Variants in ARHGEF17 observed in about 807,000 individuals in gnomAD.
The protein encoded by ARHGEF17 is Rho guanine nucleotide exchange factor 17.
ARHGEF17 carries 80 observed loss-of-function variants against 174.0 expected under a neutral mutation model. The observed-to-expected ratio is 0.46, with a 90% CI of 0.38 to 0.55. The LOEUF is 0.55. Among genes scored for constraint, ARHGEF17 ranks in the 20% least tolerant of loss-of-function variants. The pLI, the probability that ARHGEF17 is intolerant of heterozygous loss-of-function variation, is 0.00. For synonymous variants in ARHGEF17, 1,311 were observed against 1,189.1 expected (o/e 1.10, Z -2.11); for missense variants, 2,886 against 2,839.7 (o/e 1.02, Z -0.37).
In ARHGEF17 at chr11:73,308,742, C is replaced by T. The variant is rs780816018; in HGVS notation, c.104C>T (p.Thr35Ile). 62 of 1,492,172 alleles carry T rather than the reference C, an allele frequency of 4.2e-5. No individual in the cohort carries two copies. The highest frequency in any genetic ancestry group is 5.0e-5 in the Non-Finnish European group (56 of 1,127,026). 92.4% of individuals were successfully genotyped at this position (1,492,172 alleles called of 1,614,324 possible). Residue 35 changes from threonine to isoleucine, a missense_variant, in exon 1 of 21, where the codon ACC becomes ATC. Thr to Ile is a moderately conservative substitution (Grantham distance 89, BLOSUM62 -1). Transcript: ENST00000263674. ...GPGLREEDTDTPGLRRRASCR... is the reference protein window; with the variant it reads ...GPGLREEDTDIPGLRRRASCR... ...GGGCTGAGGGAGGAGGACACGGACA[C>T]CCCCGGCTTGAGGCGACGCGCCTCG...
chr11:73,343,694 A>T (rs1865413779), intron 1 of ARHGEF17, among the ~76,000 whole-genome samples: 1 of 152,014 alleles, frequency 6.6e-6, no homozygotes, highest in Admixed American at 6.5e-5. Flanking sequence ...TGGAGGAGTC[A>T]TGCTGCGGTG....
chr11:73,361,944 C>A, intron 12 of ARHGEF17, 96 bp from the exon 13 acceptor site: 2 of 1,446,344 alleles, frequency 1.4e-6, no homozygotes, highest in Non-Finnish European at 1.9e-6. Flanking sequence ...CCATGCAGGC[C>A]TGCCTCCCTC....
At chr11:73,355,837 A>G in intron 4 of ARHGEF17, 24 bp from the exon 5 acceptor site, 1 of 1,613,782 alleles carries the variant, frequency 6.2e-7, no homozygotes, top group Non-Finnish European at 8.5e-7. Context: ...CATTCCTCAC[A>G]TGATGCCCAT....
chr11:73,363,130 G>A, intron 14 of ARHGEF17, 76 bp from the exon 15 acceptor site: 1 of 1,448,288 alleles, frequency 6.9e-7, no homozygotes, highest in Non-Finnish European at 9.1e-7. Flanking sequence ...GGCCAGGAGG[G>A]ATGCATGGCC....
intron 2 of ARHGEF17, among the ~76,000 whole-genome samples, chr11:73,347,390 C>A (rs950439731): frequency 5.9e-5 from 9 of 152,172 alleles, no homozygotes; most frequent in African/African-American, 2.2e-4. Context: ...AGAGCCCAGC[C>A]CCTGCCACAG....
intron 1 of ARHGEF17, among the ~76,000 whole-genome samples, chr11:73,313,623 C>T (rs188245122): frequency 5.9e-5 from 9 of 152,334 alleles, no homozygotes; most frequent in Non-Finnish European, 1.2e-4. Flanking sequence ...CTCCCTGCCA[C>T]GAACAGAGGC....
Position 73,309,553 on chromosome 11 carries a change from C to T in ARHGEF17, c.915C>T (p.Asp305=), listed in dbSNP as rs1244811336. 6 of 1,604,856 alleles carry T rather than the reference C, an allele frequency of 3.7e-6. No individual in the cohort carries two copies. The African/African-American group carries it at 5.4e-5, about 14-fold the overall frequency. ...CTGGAAGCTCCCTATTGGATCAGGA[C>T]TGCAGGCCTGACAGTGATGGGTTAA... is the stretch of plus-strand genomic sequence containing the variant. ...LRPGSSLLDQ[D]CRPDSDGLNL... The change falls in exon 1 of 21, where the codon GAC becomes GAT. Residue 305 remains aspartate (D), a synonymous_variant. Transcript: ENST00000263674.
At chr11:73,317,975 C>G (rs1232284360) in intron 1 of ARHGEF17, among the ~76,000 whole-genome samples, 1 of 152,168 alleles carries the variant, frequency 6.6e-6, no homozygotes, top group Non-Finnish European at 1.5e-5. Flanking sequence ...CACCACCTTC[C>G]TGCTGTGAGG....
In ARHGEF17 at chr11:73,309,984, G is replaced by C. The variant is rs765313661; in HGVS notation, c.1346G>C (p.Gly449Ala). 4 of 1,614,032 alleles carry C rather than the reference G, an allele frequency of 2.5e-6. No homozygotes were observed. The highest frequency in any genetic ancestry group is 3.4e-6 in the Non-Finnish European group (4 of 1,180,002). Residue 449 changes from glycine (G) to alanine (A), a missense_variant, in exon 1 of 21, where the codon GGA becomes GCA. This residue lies in a region of ARHGEF17 where 1,728 missense variants were observed against 1,461.2 expected (regional missense o/e 1.18). Coordinates refer to ENST00000263674, the MANE Select transcript of ARHGEF17 (RefSeq NM_014786.4). ...PGGTSRALRD[G>A]GFEPEKSRQR... ...GGCACCTCTAGGGCATTGAGGGATG[G>C]AGGATTTGAGCCTGAAAAGAGTCGA...
Position 73,309,985 on chromosome 11 carries a change from A to G in ARHGEF17, c.1347A>G (p.Gly449=), listed in dbSNP as rs748780601. The change falls in exon 1 of 21, where the codon GGA becomes GGG. Residue 449 remains glycine, a synonymous_variant. Transcript: ENST00000263674. The stretch of plus-strand genomic sequence containing the variant: ...GCACCTCTAGGGCATTGAGGGATGG[A>G]GGATTTGAGCCTGAAAAGAGTCGAC... The part of the protein sequence containing the change: ...PGGTSRALRD[G]GFEPEKSRQR... 6.2e-6 allele frequency: 10 copies of G among 1,613,928 alleles called. No individual in the cohort carries two copies. In the African/African-American group the frequency reaches 1.1e-4, roughly 17 times the overall value.
chr11:73,344,630 G>A (rs1484853401), intron 1 of ARHGEF17, among the ~76,000 whole-genome samples: 2 of 152,226 alleles, frequency 1.3e-5, no homozygotes, highest in Non-Finnish European at 2.9e-5. Flanking sequence ...GGGGAGAAAG[G>A]GTGGACACTG....
At chr11:73,360,018 T>C in intron 10 of ARHGEF17, 66 bp downstream of exon 10, 1 of 1,405,698 alleles carries the variant, frequency 7.1e-7, no homozygotes, top group South Asian at 1.3e-5. Context: ...GTCTGAGAGA[T>C]AGACAGCCCT....
At chr11:73,358,417 C>T (rs929913877) in intron 9 of ARHGEF17, among the ~76,000 whole-genome samples, 19 of 151,928 alleles carry the variant, frequency 1.3e-4, no homozygotes, top group African/African-American at 4.4e-4. Context: ...CGATGGTTTC[C>T]CCCTCATGAC....
intron 9 of ARHGEF17, among the ~76,000 whole-genome samples, chr11:73,358,785 A>C (rs1448999798): frequency 6.6e-6 from 1 of 152,126 alleles, no homozygotes; most frequent in East Asian, 1.9e-4. Flanking sequence ...TAATACCAAC[A>C]CACTCAGGAT....
In ARHGEF17 at chr11:73,363,763, T is replaced by G; in HGVS notation, c.5263T>G (p.Ser1755Ala). Residue 1755 changes from serine (S) to alanine (A), a missense_variant, in exon 16 of 21, where the codon TCC becomes GCC. Ser to Ala is a moderately conservative substitution (Grantham distance 99, BLOSUM62 1). Around this residue, in one of 4 missense-constraint regions of ARHGEF17, gnomAD observed 329 missense variants for 435.2 expected, o/e 0.76. Coordinates refer to ENST00000263674, the MANE Select transcript of ARHGEF17 (RefSeq NM_014786.4). ...TEDGCVHVYQSSDSIRDRRNS... is the reference protein window; with the variant it reads ...TEDGCVHVYQASDSIRDRRNS... ...GATCCACAGTGTCCACGTGTACCAG[T>G]CCTCCGACAGCATCCGTGACCGCAG... 1 of 1,613,968 alleles carries G rather than the reference T, an allele frequency of 6.2e-7. No homozygotes were observed. The highest frequency in any genetic ancestry group is 1.1e-5 in the South Asian group (1 of 91,080).
rs558421773 is a variant in ARHGEF17, at chr11:73,313,194, G to C, written c.3192+1364G>C. ...GGTCCTGGCTCTGGGGTTTCTCATGGAGGCTGCAGAGAGAGCAGGCAGGGA... is the reference window on the plus strand; with the variant it reads ...GGTCCTGGCTCTGGGGTTTCTCATGCAGGCTGCAGAGAGAGCAGGCAGGGA... On this transcript the variant is annotated intron_variant, in intron 1 of 20. Transcript: ENST00000263674. Among the ~76,000 whole-genome samples the C allele has an allele frequency of 2.0e-5, 3 of 152,228 alleles. No homozygotes were observed. The South Asian group carries it at 6.2e-4, about 32-fold the overall frequency.
chr11:73,315,647 G>A (rs147187902), intron 1 of ARHGEF17, among the ~76,000 whole-genome samples: 33 of 152,280 alleles, frequency 2.2e-4, no homozygotes, highest in African/African-American at 7.5e-4. Context: ...TCACCCAGCA[G>A]GAGGGGGTGA....
intron 1 of ARHGEF17, among the ~76,000 whole-genome samples, chr11:73,337,506 C>T (rs1865305736): frequency 6.6e-6 from 1 of 152,020 alleles, no homozygotes. Flanking sequence ...GTAGCCTTGA[C>T]ATCCCAGAGC....
chr11:73,334,206 G>A (rs981262097), intron 1 of ARHGEF17, among the ~76,000 whole-genome samples: 4 of 152,242 alleles, frequency 2.6e-5, no homozygotes, highest in Non-Finnish European at 4.4e-5. Context: ...TGGGGAATTA[G>A]CACCAGGCAG....
Sources: allele counts gnomAD v4.1 joint callset (sites outside exome capture counted in the v4.1 genomes callset), GRCh38; gene constraint gnomAD v4.1.1; regional missense constraint gnomAD v4.1.1; transcripts MANE v1.5; gene names NCBI Gene and HGNC (gene_info 2026-07-23, HGNC 2026-07-21).